DLG1: variants seen among roughly 807,000 people sequenced by gnomAD.
DLG1 encodes discs large MAGUK scaffold protein 1.
DLG1 carries 42 observed loss-of-function variants against 123.4 expected under a neutral mutation model. The ratio of observed to expected loss-of-function variants is 0.34; its 90% CI spans 0.27 to 0.44. The LOEUF (loss-of-function observed/expected upper bound fraction) is 0.44, where lower values mean the gene tolerates loss of function less well. DLG1 is among the 20% of genes least tolerant of loss of function. DLG1 has a pLI of 1.00. For synonymous variants in DLG1, 317 were observed against 356.2 expected (o/e 0.89, Z 1.24); for missense variants, 942 against 1,082.6 (o/e 0.87, Z 1.82).
At chr3:197,147,819 A>T (rs185852078) in intron 6 of DLG1, among the ~76,000 whole-genome samples, 28 of 149,728 alleles carry the variant, frequency 1.9e-4, no homozygotes, top group Middle Eastern at 3.4e-3. Flanking sequence ...TACTGAAATT[A>T]AAAAAAAAAT....
At chr3:197,264,860 T>C (rs1034746706) in intron 4 of DLG1, among the ~76,000 whole-genome samples, 14 of 152,234 alleles carry the variant, frequency 9.2e-5, no homozygotes, top group Non-Finnish European at 2.1e-4. Flanking sequence ...ACTCAACTTG[T>C]AGTGCTCATT....
chr3:197,219,669 T>C (rs752609526), intron 4 of DLG1, among the ~76,000 whole-genome samples: 13 of 152,150 alleles, frequency 8.5e-5, no homozygotes, highest in Admixed American at 3.3e-4. Flanking sequence ...GCCATTAGGG[T>C]GTGGTAGTCC....
intron 4 of DLG1, among the ~76,000 whole-genome samples, chr3:197,275,003 T>C (rs1207490995): frequency 2.6e-5 from 4 of 152,052 alleles, no homozygotes; most frequent in African/African-American, 4.8e-5. Flanking sequence ...GCCAGCATAG[T>C]GAAACCCTGT....
intron 19 of DLG1, among the ~76,000 whole-genome samples, chr3:197,067,580 G>A (rs1167924523): frequency 1.8e-5 from 2 of 113,682 alleles, no homozygotes; most frequent in Non-Finnish European, 3.4e-5. Flanking sequence ...TTTTTGAGAC[G>A]GAGTTTCGCT....
At chr3:197,191,930 C>T (rs952318409) in intron 5 of DLG1, among the ~76,000 whole-genome samples, 2 of 152,130 alleles carry the variant, frequency 1.3e-5, no homozygotes, top group Non-Finnish European at 2.9e-5. Flanking sequence ...AATCTCAGCA[C>T]TTTGGGAGGT....
At chr3:197,183,265 T>C (rs1020704705) in intron 5 of DLG1, among the ~76,000 whole-genome samples, 1 of 152,206 alleles carries the variant, frequency 6.6e-6, no homozygotes, top group Non-Finnish European at 1.5e-5. Context: ...CTACAGCATT[T>C]AGCACAGTCT....
chr3:197,099,532 C>T (rs1026976471), intron 14 of DLG1, among the ~76,000 whole-genome samples: 3 of 152,114 alleles, frequency 2.0e-5, no homozygotes, highest in Non-Finnish European at 4.4e-5. Flanking sequence ...CGTATTAGGA[C>T]GTATCTGAAC....
chr3:197,297,353 CAA>C (rs1777937039), intron 1 of DLG1, 118 bp from the exon 2 acceptor site: 20 of 1,486,030 alleles, frequency 1.3e-5, no homozygotes, highest in Non-Finnish European at 1.7e-5. Flanking sequence ...AAAGTTTTAC[CAA>C]GTCAAAGAAA....
At chr3:197,049,884 G>A (rs763778933) in intron 24 of DLG1, among the ~76,000 whole-genome samples, 30 of 152,156 alleles carry the variant, frequency 2.0e-4, no homozygotes, top group Non-Finnish European at 2.9e-4. Flanking sequence ...GCAACATAGC[G>A]AGACCCTGTC....
intron 5 of DLG1, among the ~76,000 whole-genome samples, chr3:197,181,942 G>A (rs4916463): frequency 0.1 from 15,388 of 152,094 alleles, 1,014 homozygotes; most frequent in Middle Eastern, 0.15. Context: ...CTCTTCTGGC[G>A]CAATCACAGC....
intron 23 of DLG1, among the ~76,000 whole-genome samples, chr3:197,058,853 G>A (rs184534330): frequency 1.5e-4 from 23 of 152,284 alleles, no homozygotes; most frequent in Non-Finnish European, 8.8e-5. Flanking sequence ...TTTGTTTTGA[G>A]AATGCTATGA....
intron 1 of DLG1, chr3:197,297,935 G>A (rs1579649974): frequency 8.1e-6 from 8 of 983,084 alleles, no homozygotes; most frequent in East Asian, 1.1e-4. Flanking sequence ...GGGGCGAAGG[G>A]ACGGGGGAGG....
rs907133149 is a variant in DLG1 at position 197,150,649 on chromosome 3, C to T, written c.484-853G>A. On this transcript the variant is annotated intron_variant, in intron 5 of 24. Transcript: ENST00000667157. ...AAACTTTAGAAGATATGCTTACACA[C>T]ATTAATGGTTCTACTTCAATTACCT... is the stretch of plus-strand genomic sequence containing the variant. 5.3e-5 allele frequency among the ~76,000 whole-genome samples: 8 copies of T among 152,154 alleles called. No individual in the cohort carries two copies. In the East Asian group the frequency reaches 5.8e-4, roughly 11 times the overall value.
chr3:197,096,641 G>A (rs1760817096), intron 14 of DLG1, among the ~76,000 whole-genome samples: 1 of 152,150 alleles, frequency 6.6e-6, no homozygotes, highest in African/African-American at 2.4e-5. Context: ...CTTGGTTTAA[G>A]GAAGTATGTC....
At chr3:197,177,732 G>A (rs1355684830) in intron 5 of DLG1, among the ~76,000 whole-genome samples, 1 of 152,078 alleles carries the variant, frequency 6.6e-6, no homozygotes, top group Non-Finnish European at 1.5e-5. Flanking sequence ...TTTCATTAAA[G>A]TATCCTAGTT....
chr3:197,155,970 C>A (rs1349163856), intron 5 of DLG1, among the ~76,000 whole-genome samples: 1 of 150,888 alleles, frequency 6.6e-6, no homozygotes, highest in African/African-American at 2.5e-5. Context: ...ATAAATAAGC[C>A]TAATATTAAT....
chr3:197,154,451 G>A (rs1460539386), intron 5 of DLG1, among the ~76,000 whole-genome samples: 1 of 151,728 alleles, frequency 6.6e-6, no homozygotes, highest in Non-Finnish European at 1.5e-5. Context: ...TGAGGTGGGT[G>A]GATCACTAGG....
Position 197,182,536 on chromosome 3 carries a change from T to C in DLG1, c.483+11889A>G, listed in dbSNP as rs374156147. Among the ~76,000 whole-genome samples the C allele has an allele frequency of 7.2e-5, 11 of 152,270 alleles. No individual in the cohort carries two copies. The East Asian group carries it at 1.9e-3, about 27-fold the overall frequency. On this transcript the variant is annotated intron_variant, in intron 5 of 24. Coordinates refer to ENST00000667157, the MANE Select transcript of DLG1 (RefSeq NM_001366207.1). The stretch of plus-strand genomic sequence containing the variant: ...TTTATAAAAAACATATAAAGAAATA[T>C]AGAACTGTTGACAGTTATAGTTTAT...
At chr3:197,184,769 A>T (rs945834666) in intron 5 of DLG1, among the ~76,000 whole-genome samples, 4 of 152,256 alleles carry the variant, frequency 2.6e-5, no homozygotes, top group African/African-American at 4.8e-5. Context: ...TTTTATAATC[A>T]GTGAAATGTG....
Sources: gnomAD v4.1 joint callset for allele counts (sites outside exome capture counted in the v4.1 genomes callset) on GRCh38, gnomAD v4.1.1 for gene constraint, MANE v1.5 for transcripts, NCBI Gene and HGNC (gene_info 2026-07-23, HGNC 2026-07-21) for gene names.